The following PREX2 variants were observed in gnomAD, a reference collection of about 807,000 sequenced individuals.
PREX2 encodes the protein phosphatidylinositol-3,4,5-trisphosphate dependent Rac exchange factor 2.
A neutral mutation model predicts 203.2 loss-of-function variants in PREX2; 107 were observed. That is an observed-to-expected ratio of 0.53 (90% CI 0.45 to 0.62). The LOEUF (loss-of-function observed/expected upper bound fraction) is 0.62. Ranked by LOEUF, PREX2 falls within the 20% of genes least tolerant of loss-of-function variation. The probability of loss-of-function intolerance (pLI) is 0.00; values close to 1 mark genes in which losing one functional copy is unlikely to be tolerated. For missense variants in PREX2, 1,777 were observed against 1,955.9 expected (o/e 0.91, Z 1.72); for synonymous variants, 672 against 663.6 (o/e 1.01, Z -0.19).
Position 68,146,235 on chromosome 8 carries a change from G to A in PREX2, c.4114G>A (p.Gly1372Arg). ...ANVPLTYQAE[G>R]SRQALKVYFY... Reference sequence around the variant, plus strand: ...TGTTCCTCTTACATATCAAGCAGAAGGAAGTCGGCAAGCTCTGAAAGTTTA... The same window carrying A: ...TGTTCCTCTTACATATCAAGCAGAAAGAAGTCGGCAAGCTCTGAAAGTTTA... Residue 1372 changes from glycine to arginine, a missense_variant, in exon 34 of 40, where the codon GGA becomes AGA. By Grantham distance (125) the Gly-to-Arg change is moderately radical. Transcript: ENST00000288368. 6.2e-7 allele frequency: 1 copy of A among 1,610,206 alleles called. No individual in the cohort carries two copies. The highest frequency in any genetic ancestry group is 8.5e-7 in the Non-Finnish European group (1 of 1,177,664).
chr8:68,039,592 G>C (rs1268904232), intron 7 of PREX2, among the ~76,000 whole-genome samples: 1 of 152,124 alleles, frequency 6.6e-6, no homozygotes, highest in Non-Finnish European at 1.5e-5. Context: ...CATCCTGCCT[G>C]TTGTGATGGC....
At chr8:67,988,486 C>T (rs889685803) in intron 1 of PREX2, among the ~76,000 whole-genome samples, 4 of 152,214 alleles carry the variant, frequency 2.6e-5, no homozygotes, top group Non-Finnish European at 4.4e-5. Context: ...AGGCATCCAC[C>T]GAGGTCCTAC....
chr8:68,123,628 A>T (rs1027413393), intron 30 of PREX2, among the ~76,000 whole-genome samples: 2 of 152,040 alleles, frequency 1.3e-5, no homozygotes, highest in African/African-American at 4.8e-5. Context: ...ATAACTATGG[A>T]CACCTCTATG....
chr8:68,127,063 C>T (rs1047317913), intron 30 of PREX2, among the ~76,000 whole-genome samples: 1 of 152,080 alleles, frequency 6.6e-6, no homozygotes, highest in East Asian at 1.9e-4. Flanking sequence ...ACCTAAAAAG[C>T]TGCCAGGATT....
In PREX2 at chr8:68,182,365, A is replaced by G. The variant is rs1434752; in HGVS notation, c.4347-9357A>G. ...CCCTGAGAATATTTTTCTCTTGACT[A>G]TAGTTGTCTCTCACTGAAGGAGAGA... On this transcript the variant is annotated intron_variant, in intron 35 of 39. Coordinates refer to ENST00000288368, the MANE Select transcript of PREX2 (RefSeq NM_024870.4). Among the ~76,000 whole-genome samples, 1,269 of 152,150 alleles carry G rather than the reference A, an allele frequency of 8.3e-3. 7 individuals are homozygous for G. The highest frequency in any genetic ancestry group is 0.013 in the Non-Finnish European group (883 of 67,966).
chr8:68,025,616 C>T (rs13256051), intron 4 of PREX2, among the ~76,000 whole-genome samples: 26,738 of 151,662 alleles, frequency 0.18, 3,073 homozygotes, highest in African/African-American at 0.32. Flanking sequence ...CTTCAGTGAC[C>T]CCAAGTTACA....
At chr8:67,978,473 T>C (rs910432366) in intron 1 of PREX2, among the ~76,000 whole-genome samples, 1 of 152,248 alleles carries the variant, frequency 6.6e-6, no homozygotes, top group Non-Finnish European at 1.5e-5. Flanking sequence ...ATCCATTATA[T>C]AATCCATTAT....
At chr8:68,132,479 AT>A (rs1443319065) in intron 31 of PREX2, among the ~76,000 whole-genome samples, 2 of 152,062 alleles carry the variant, frequency 1.3e-5, no homozygotes, top group Admixed American at 6.5e-5. Flanking sequence ...CAGATACAAA[AT>A]TAAATATTTT....
At chr8:68,012,398 T>C (rs999768658) in intron 1 of PREX2, among the ~76,000 whole-genome samples, 1 of 152,146 alleles carries the variant, frequency 6.6e-6, no homozygotes, top group Non-Finnish European at 1.5e-5. Context: ...ACATCTTTTG[T>C]TGGGAAATTA....
chr8:67,995,680 G>A (rs1363465336), intron 1 of PREX2, among the ~76,000 whole-genome samples: 6 of 152,168 alleles, frequency 3.9e-5, no homozygotes, highest in African/African-American at 2.4e-5. Context: ...TGATATGCTC[G>A]TTGTGTTTAT....
chr8:68,068,680 A>G (rs1004740406), intron 11 of PREX2, among the ~76,000 whole-genome samples: 2 of 152,102 alleles, frequency 1.3e-5, no homozygotes, highest in African/African-American at 4.8e-5. Flanking sequence ...CATTGTGAAG[A>G]AACAGAAAAC....
intron 34 of PREX2, among the ~76,000 whole-genome samples, chr8:68,156,765 TA>T (rs983181835): frequency 1.6e-4 from 24 of 151,710 alleles, no homozygotes; most frequent in African/African-American, 5.3e-4. Context: ...GAAAGCACCA[TA>T]AAAAAAAGGG....
intron 39 of PREX2, among the ~76,000 whole-genome samples, chr8:68,225,398 A>G (rs1030240230): frequency 6.6e-6 from 1 of 152,206 alleles, no homozygotes; most frequent in African/African-American, 2.4e-5. Flanking sequence ...TTTGATTTCC[A>G]TGGTGATGAG....
chr8:67,952,388 G>A lies in PREX2; in HGVS notation c.-7G>A. The A allele has an allele frequency of 1.3e-6, 2 of 1,532,506 alleles. No homozygotes were observed. The highest frequency in any genetic ancestry group is 1.8e-6 in the Non-Finnish European group (2 of 1,140,932). The allele number at this position is 1,532,506 out of a possible 1,614,324, so 94.9% of individuals were successfully genotyped here. A position where few individuals can be genotyped will look rare whatever the true frequency, so the allele number is the denominator to read the frequency against. Reference sequence around the variant, plus strand: ...GGGCAGCGCCGCGCTGCGCACCGCCGCCGACCATGAGCGAGGACAGCCGCG... The same window carrying A: ...GGGCAGCGCCGCGCTGCGCACCGCCACCGACCATGAGCGAGGACAGCCGCG... On this transcript the variant is annotated 5_prime_UTR_variant, in exon 1 of 40. Transcript: ENST00000288368.
rs1585822237 is a variant in PREX2, at chr8:68,138,582, T to C, written c.4087+65T>C. On this transcript the variant is annotated intron_variant, in intron 33 of 39. Coordinates refer to ENST00000288368, the MANE Select transcript of PREX2 (RefSeq NM_024870.4). ...ATAATTATATATGATATAACTTTGG[T>C]ATTAATATATTTGATAAGTATTTTA... 10 of 712,458 alleles carry C rather than the reference T, an allele frequency of 1.4e-5. No individual in the cohort carries two copies. In the East Asian group the frequency reaches 2.8e-4, roughly 20 times the overall value. The allele number at this position is 712,458 out of a possible 1,614,324, so 44.1% of individuals were successfully genotyped here. A position where few individuals can be genotyped will look rare whatever the true frequency, so the allele number is the denominator to read the frequency against.
chr8:68,174,036 C>A (rs991691617), intron 35 of PREX2, among the ~76,000 whole-genome samples: 3 of 152,152 alleles, frequency 2.0e-5, no homozygotes, highest in Admixed American at 6.5e-5. Context: ...ATCACAAGGA[C>A]AATCCATCTT....
chr8:68,041,806 T>C (rs1808205118), intron 7 of PREX2, among the ~76,000 whole-genome samples: 1 of 152,108 alleles, frequency 6.6e-6, no homozygotes, highest in Admixed American at 6.6e-5. Flanking sequence ...TTAAAATTGA[T>C]CCCATCTTTA....
intron 37 of PREX2, among the ~76,000 whole-genome samples, chr8:68,205,835 T>G (rs1812613284): frequency 6.6e-6 from 1 of 152,204 alleles, no homozygotes; most frequent in African/African-American, 2.4e-5. Context: ...GAACACATTC[T>G]CCCTTCAATT....
chr8:68,105,642 C>A, intron 23 of PREX2: 2 of 921,268 alleles, frequency 2.2e-6, no homozygotes, highest in Non-Finnish European at 2.6e-6. Flanking sequence ...TCATGCACTG[C>A]ATAACATTTC....
Sources: gnomAD v4.1 joint callset for allele counts (sites outside exome capture counted in the v4.1 genomes callset) on GRCh38, gnomAD v4.1.1 for gene constraint, MANE v1.5 for transcripts, NCBI Gene and HGNC (gene_info 2026-07-23, HGNC 2026-07-21) for gene names.